Variants in PDE10A observed in about 807,000 individuals in gnomAD.
PDE10A encodes the protein cAMP and cAMP-inhibited cGMP 3',5'-cyclic phosphodiesterase 10A.
Under a neutral mutation model 97.7 loss-of-function variants are expected in PDE10A, and 39 were observed. The observed-to-expected ratio is 0.40, with a 90% CI of 0.31 to 0.52. The LOEUF (loss-of-function observed/expected upper bound fraction) is 0.52, where lower values mean the gene tolerates loss of function less well. Among genes scored for constraint, PDE10A ranks in the 20% least tolerant of loss-of-function variants. PDE10A has a pLI of 0.56. For missense variants in PDE10A, 731 were observed against 1,047.8 expected, an observed-to-expected ratio of 0.70 and a Z score of 4.17; for synonymous variants, 371 against 376.8, an observed-to-expected ratio of 0.98 and a Z score of 0.18.
intron 1 of PDE10A, among the ~76,000 whole-genome samples, chr6:165,632,409 AG>A (rs1788676624): frequency 6.6e-6 from 1 of 152,170 alleles, no homozygotes; most frequent in South Asian, 2.1e-4. Flanking sequence ...AAAACCCCTG[AG>A]GACAAACAGT....
rs187395194 is a variant in PDE10A at position 165,880,733 on chromosome 6, T to C, written c.-615+106796A>G. 8.5e-5 allele frequency among the ~76,000 whole-genome samples: 13 copies of C among 152,356 alleles called. No homozygotes were observed. The East Asian group carries it at 2.5e-3, about 29-fold the overall frequency. ...ATTAAGTGTTACTAGTTTCCAATCA[T>C]AAAATCATACCATGTGAAGACTTTT... On this transcript the variant is annotated intron_variant, in intron 1 of 19. Coordinates refer to the PDE10A transcript ENST00000366882.
chr6:165,337,290 G>GC (rs1781708470), intron 20 of PDE10A, among the ~76,000 whole-genome samples: 1 of 152,152 alleles, frequency 6.6e-6, no homozygotes, highest in African/African-American at 2.4e-5. Flanking sequence ...CCAAGTGGCT[G>GC]CATCATGTAC....
Position 165,333,147 on chromosome 6 carries a change from T to C in PDE10A, c.3066-20A>G. ...TTATCCCTAGGGATAAAAGATGCAG[T>C]TTCAGGAGAAGCTGAATAAAGGATT... On this transcript the variant is annotated intron_variant, in intron 21 of 21. Transcript: ENST00000539869. 1.4e-6 allele frequency: 2 copies of C among 1,389,124 alleles called. No homozygotes were observed. Among genetic ancestry groups the C allele is most frequent in the Non-Finnish European group, 2.1e-6 (2 of 974,234 alleles). 86.0% of individuals were successfully genotyped at this position (1,389,124 alleles called of 1,614,324 possible).
chr6:165,379,720 C>T (rs545713037), intron 17 of PDE10A, among the ~76,000 whole-genome samples: 13 of 152,134 alleles, frequency 8.5e-5, no homozygotes, highest in African/African-American at 3.1e-4. Flanking sequence ...AAGACTTTTC[C>T]TCTTAAGCTA....
chr6:165,889,969 A>C (rs1053410027), intron 1 of PDE10A, among the ~76,000 whole-genome samples: 35 of 18,326 alleles, frequency 1.9e-3, no homozygotes, highest in African/African-American at 2.8e-3. Flanking sequence ...CTCACTCCTC[A>C]CTCCTCCATC....
chr6:165,910,473 A>G (rs2128486158), intron 1 of PDE10A, among the ~76,000 whole-genome samples: 1 of 152,344 alleles, frequency 6.6e-6, no homozygotes, highest in Non-Finnish European at 1.5e-5. Context: ...TCATATATAT[A>G]GTGTCGTGCA....
intron 7 of PDE10A, 23 bp downstream of exon 7, chr6:165,432,951 C>A: frequency 1.2e-6 from 2 of 1,600,866 alleles, no homozygotes; most frequent in Admixed American, 3.4e-5. Flanking sequence ...AAAATTCTAA[C>A]ATGCAGCATT....
chr6:165,788,390 A>G (rs4709986), intron 1 of PDE10A, among the ~76,000 whole-genome samples: 78,099 of 151,178 alleles, frequency 0.52, 20,809 homozygotes, highest in Non-Finnish European at 0.59. Flanking sequence ...GGTGGTGAGC[A>G]CCTGTAATCC....
intron 18 of PDE10A, among the ~76,000 whole-genome samples, chr6:165,372,864 C>T (rs1242418148): frequency 1.3e-5 from 2 of 151,798 alleles, no homozygotes; most frequent in Non-Finnish European, 2.9e-5. Context: ...CAGCATGGTA[C>T]TGGTACCAAA....
chr6:165,509,302 T>C (rs1404006466), intron 2 of PDE10A, among the ~76,000 whole-genome samples: 3 of 152,064 alleles, frequency 2.0e-5, no homozygotes, highest in African/African-American at 7.2e-5. Context: ...TGCATATGGA[T>C]ATCCAATTTT....
intron 1 of PDE10A, among the ~76,000 whole-genome samples, chr6:165,973,400 T>G (rs1040568275): frequency 2.1e-5 from 3 of 145,846 alleles, no homozygotes; most frequent in African/African-American, 7.7e-5. Flanking sequence ...GTGAAAAGAG[T>G]GAAATTCCGC....
chr6:165,579,183 A>G (rs9348018), intron 1 of PDE10A, among the ~76,000 whole-genome samples: 7,023 of 152,292 alleles, frequency 0.046, 423 homozygotes, highest in East Asian at 0.31. Context: ...ATGCCATGCT[A>G]AGGACTTCAG....
At chr6:165,443,108 T>C (rs1790590210) in intron 5 of PDE10A, among the ~76,000 whole-genome samples, 2 of 91,734 alleles carry the variant, frequency 2.2e-5, no homozygotes, top group Non-Finnish European at 4.1e-5. Flanking sequence ...CAAGGCTCTG[T>C]CTCAAAAAAA....
intron 1 of PDE10A, among the ~76,000 whole-genome samples, chr6:165,689,638 G>A (rs1364614537): frequency 6.6e-6 from 1 of 152,126 alleles, no homozygotes; most frequent in African/African-American, 2.4e-5. Flanking sequence ...ACTATGCGAT[G>A]CACCAGTCCC....
chr6:165,661,996 A>G lies in PDE10A; in HGVS notation c.816T>C (p.Ser272=), dbSNP rs371519137. 2 of 1,432,822 alleles carry G rather than the reference A, an allele frequency of 1.4e-6. No homozygotes were observed. Among genetic ancestry groups the G allele is most frequent in the African/African-American group, 2.9e-5 (2 of 69,270 alleles). The allele number at this position is 1,432,822 out of a possible 1,614,324, so 88.8% of individuals were successfully genotyped here. ...GCCTTCGGAAGCAGCTCGCATTATT[A>G]GAAGGTCCATCTTCCATGTCGGAGC... is the stretch of plus-strand genomic sequence containing the variant. ...LFGSDMEDGP[S]NNASCFRRLT... is the part of the protein sequence containing the mutation. The change falls in exon 1 of 22, where the codon TCT becomes TCC. Residue 272 remains serine (S), a synonymous_variant. Coordinates refer to ENST00000539869, the MANE Select transcript of PDE10A (RefSeq NM_001385079.1). This position sits in a 1 kb window ranked among gnomAD's most constrained non-coding sequence, Gnocchi z 4.8.
intron 1 of PDE10A, among the ~76,000 whole-genome samples, chr6:165,688,425 A>G (rs1294234364): frequency 6.6e-6 from 1 of 152,200 alleles, no homozygotes; most frequent in Non-Finnish European, 1.5e-5. Flanking sequence ...GTTTCGTGGT[A>G]TAATTGACGA....
intron 1 of PDE10A, among the ~76,000 whole-genome samples, chr6:165,849,329 T>A (rs1583186859): frequency 1.3e-5 from 2 of 152,232 alleles, no homozygotes; most frequent in East Asian, 3.8e-4. Context: ...ATCGAACCCA[T>A]GTTTAAATCC....
At chr6:165,472,444 G>C (rs1365037088) in intron 3 of PDE10A, among the ~76,000 whole-genome samples, 1 of 151,952 alleles carries the variant, frequency 6.6e-6, no homozygotes, top group African/African-American at 2.4e-5. Flanking sequence ...TATTAATCAA[G>C]TCTATATTTT....
rs1027842259 is a variant in PDE10A, at chr6:165,560,376, G to T, written c.866-16808C>A. ...TACAAGAAACTAAATTCTGCCAATG[G>T]CAAGAATCAGTTTGGGAGTGGAGCT... is the stretch of plus-strand genomic sequence containing the variant. On this transcript the variant is annotated intron_variant, in intron 1 of 21. Coordinates refer to ENST00000539869, the MANE Select transcript of PDE10A (RefSeq NM_001385079.1). Among the ~76,000 whole-genome samples the T allele has an allele frequency of 5.3e-4, 80 of 152,190 alleles. 1 individual carries two copies. Among genetic ancestry groups the T allele is most frequent in the Non-Finnish European group, 1.8e-4 (12 of 68,042 alleles).
Sources: allele counts gnomAD v4.1 joint callset (sites outside exome capture counted in the v4.1 genomes callset), GRCh38; gene constraint gnomAD v4.1.1; non-coding constraint Gnocchi (gnomAD v3.1); transcripts MANE v1.5; gene names NCBI Gene and HGNC (gene_info 2026-07-23, HGNC 2026-07-21).